The following EPB41L1 variants were observed in gnomAD, a reference collection of about 807,000 sequenced individuals.
EPB41L1 encodes the protein erythrocyte membrane protein band 4.1 like 1, also known as band 4.1-like protein 1.
A neutral mutation model predicts 97.8 loss-of-function variants in EPB41L1; 29 were observed. That is an observed-to-expected ratio of 0.30 (90% CI 0.22 to 0.40). EPB41L1 has a LOEUF of 0.40. EPB41L1 is among the 10% of genes least tolerant of loss of function. EPB41L1 has a pLI of 1.00. For missense variants in EPB41L1, 812 were observed against 1,162.3 expected, an observed-to-expected ratio of 0.70 and a Z score of 4.38; for synonymous variants, 383 against 459.2, an observed-to-expected ratio of 0.83 and a Z score of 2.12.
Position 36,206,409 on chromosome 20 carries a change from C to G in EPB41L1, c.1669-3079C>G, listed in dbSNP as rs1378434305. 1 of 1,290,016 alleles carries G rather than the reference C, an allele frequency of 7.8e-7. No individual in the cohort carries two copies. The allele number at this position is 1,290,016 out of a possible 1,614,324, so 79.9% of individuals were successfully genotyped here. A position where few individuals can be genotyped will look rare whatever the true frequency, so the allele number is the denominator to read the frequency against. On this transcript the variant is annotated intron_variant, in intron 14 of 21. Transcript: ENST00000338074. The surrounding 1 kb of genome is among the most constrained non-coding windows in gnomAD (Gnocchi z 5.5). ...TCCAGTCGTTTCTATTGGATCCAGC[C>G]CACGCAGAAGCCAGAGCTGAGTTGA...
intron 2 of EPB41L1, among the ~76,000 whole-genome samples, chr20:36,126,767 A>AT (rs2058987824): frequency 6.6e-6 from 1 of 152,070 alleles, no homozygotes; most frequent in Admixed American, 6.6e-5. Flanking sequence ...TCTCTCTGTT[A>AT]TTTTCTTGAT....
chr20:36,153,069 A>G, upstream of EPB41L1: 1 of 456,724 alleles, frequency 2.2e-6, no homozygotes, highest in Non-Finnish European at 4.4e-6. Flanking sequence ...AGGCACCGGA[A>G]GCTTTGTCTA....
At chr20:36,147,130 A>G (rs1271327680) in intron 2 of EPB41L1, among the ~76,000 whole-genome samples, 20 of 152,184 alleles carry the variant, frequency 1.3e-4, no homozygotes, top group Non-Finnish European at 1.5e-5. Flanking sequence ...CATGGGCGAC[A>G]GAGTGAGACC....
chr20:36,179,862 T>C (rs1366713148), intron 5 of EPB41L1, among the ~76,000 whole-genome samples: 1 of 152,176 alleles, frequency 6.6e-6, no homozygotes, highest in Non-Finnish European at 1.5e-5. Flanking sequence ...CAGAGTGCAC[T>C]CCTCGGGGGG....
chr20:36,179,434 A>G (rs1000698917), intron 5 of EPB41L1, among the ~76,000 whole-genome samples: 7 of 152,362 alleles, frequency 4.6e-5, no homozygotes, highest in African/African-American at 9.6e-5. Flanking sequence ...TGGCTGAGCC[A>G]GGTCTTGAGG....
intron 2 of EPB41L1, among the ~76,000 whole-genome samples, chr20:36,147,867 C>T (rs376562212): frequency 4.6e-5 from 7 of 152,090 alleles, no homozygotes; most frequent in Non-Finnish European, 1.0e-4. Flanking sequence ...AGGCACCCGA[C>T]GGGAGGCTGG....
At chr20:36,217,212 A>G (rs1455728342) in intron 17 of EPB41L1, among the ~76,000 whole-genome samples, 1 of 152,220 alleles carries the variant, frequency 6.6e-6, no homozygotes, top group Non-Finnish European at 1.5e-5. Flanking sequence ...GAACATTTCC[A>G]GGGCAAAATG....
rs1158956032 is a variant in EPB41L1, at chr20:36,231,819, CCTT to C, written c.*2484_*2486del. The stretch of plus-strand genomic sequence containing the variant: ...CAATCCTGGTGGAAAAGCCACAGAA[CCTT>C]CTTCCTGCCCTTCTTGAGAGTTCCC... On this transcript the variant is annotated 3_prime_UTR_variant, in exon 22 of 22. Coordinates refer to ENST00000338074, the MANE Select transcript of EPB41L1 (RefSeq NM_012156.2). 1 of 152,798 alleles carries C rather than the reference CCTT, an allele frequency of 6.5e-6. No homozygotes were observed. Among genetic ancestry groups the C allele is most frequent in the Non-Finnish European group, 1.5e-5 (1 of 68,154 alleles). 9.5% of individuals were successfully genotyped at this position (152,798 alleles called of 1,614,324 possible).
chr20:36,232,470 T>C lies in EPB41L1; in HGVS notation c.*3130T>C, dbSNP rs1454758142. On this transcript the variant is annotated 3_prime_UTR_variant, in exon 22 of 22. Transcript: ENST00000338074. The stretch of plus-strand genomic sequence containing the variant: ...GGTCTTTTTCTACTTTGCTATCTCA[T>C]GGGTCTTCATTTTCTCTTATTTTGT... The C allele has an allele frequency of 7.5e-6, 3 of 397,556 alleles. No homozygotes were observed. Among genetic ancestry groups the C allele is most frequent in the African/African-American group, 4.1e-5 (2 of 48,628 alleles). The allele number at this position is 397,556 out of a possible 1,614,324, so 24.6% of individuals were successfully genotyped here. A position where few individuals can be genotyped will look rare whatever the true frequency, so the allele number is the denominator to read the frequency against.
Position 36,229,439 on chromosome 20 carries a change from C to G in EPB41L1, c.*99C>G. The G allele has an allele frequency of 1.7e-6, 2 of 1,154,032 alleles. No individual in the cohort carries two copies. The highest frequency in any genetic ancestry group is 2.6e-6 in the Non-Finnish European group (2 of 761,826). 71.5% of individuals were successfully genotyped at this position (1,154,032 alleles called of 1,614,324 possible). ...GATTCTCCGACGCAACACTGACGTC[C>G]CAGCTGCGACGTACTGTCACTGATG... On this transcript the variant is annotated 3_prime_UTR_variant, in exon 22 of 22. Transcript: ENST00000338074.
Position 36,173,920 on chromosome 20 carries a change from A to G in EPB41L1, c.143A>G (p.His48Arg), listed in dbSNP as rs2061107580. 4 of 1,613,970 alleles carry G rather than the reference A, an allele frequency of 2.5e-6. No homozygotes were observed. The highest frequency in any genetic ancestry group is 3.4e-6 in the Non-Finnish European group (4 of 1,179,922). Residue 48 changes from histidine to arginine, a missense_variant, in exon 2 of 22, where the codon CAT becomes CGT. His to Arg is a conservative substitution (Grantham distance 29). Coordinates refer to ENST00000338074, the MANE Select transcript of EPB41L1 (RefSeq NM_012156.2). ...CCAGAGGCCAACTCCAATGAGAAGC[A>G]TCCATCCCAGCAGGACACGCGGCCT... ...GHPEANSNEKHPSQQDTRPAE... is the reference protein window; with the variant it reads ...GHPEANSNEKRPSQQDTRPAE...
intron 2 of EPB41L1, among the ~76,000 whole-genome samples, chr20:36,148,416 C>T (rs2145404647): frequency 6.6e-6 from 1 of 152,288 alleles, no homozygotes; most frequent in South Asian, 2.1e-4. Flanking sequence ...GGAAGAGGGT[C>T]TCCCAGGCAG....
chr20:36,107,100 T>C lies in EPB41L1; in HGVS notation c.-64-5326T>C, dbSNP rs1243431173. 3.9e-5 allele frequency among the ~76,000 whole-genome samples: 6 copies of C among 152,312 alleles called. No homozygotes were observed. In the East Asian group the frequency reaches 1.2e-3, roughly 29 times the overall value. Reference sequence around the variant, plus strand: ...CCAAGCCCAGCCAAATTTTAAATTTTATTTAATATTTAATTTTATTTGATT... The same window carrying C: ...CCAAGCCCAGCCAAATTTTAAATTTCATTTAATATTTAATTTTATTTGATT... On this transcript the variant is annotated intron_variant, in intron 1 of 19. Transcript: ENST00000202028.
At position 36,209,929 on chromosome 20, in the gene EPB41L1, C is replaced by T. The variant is rs779920068; in HGVS notation, c.2079+31C>T. On this transcript the variant is annotated intron_variant, in intron 15 of 21. Transcript: ENST00000338074. The surrounding 1 kb of genome is among the most constrained non-coding windows in gnomAD (Gnocchi z 4.2). ...GTGGAGCTTCCTCAAGAGCCAGGCC[C>T]GCTGGGCACCGCATGCTCAGAGGGC... 64 of 1,608,868 alleles carry T rather than the reference C, an allele frequency of 4.0e-5. No homozygotes were observed. Among genetic ancestry groups the T allele is most frequent in the Non-Finnish European group, 4.6e-5 (54 of 1,178,438 alleles).
In EPB41L1 at chr20:36,182,355, C is replaced by T. The variant is rs1346104001; in HGVS notation, c.566+8C>T. ...GACAGAAGACATCACAAGGTGAGGG[C>T]TGTGGAGGGAGAGACAGGTGTGCTG... On this transcript the variant is annotated splice_region_variant and intron_variant, in intron 6 of 21. Coordinates refer to ENST00000338074, the MANE Select transcript of EPB41L1 (RefSeq NM_012156.2). 1 of 1,613,920 alleles carries T rather than the reference C, an allele frequency of 6.2e-7. No individual in the cohort carries two copies. Among genetic ancestry groups the T allele is most frequent in the Non-Finnish European group, 8.5e-7 (1 of 1,179,814 alleles).
At chr20:36,194,124 G>A in intron 11 of EPB41L1, 88 bp from the exon 12 acceptor site, 2 of 1,574,120 alleles carry the variant, frequency 1.3e-6, no homozygotes, top group South Asian at 2.3e-5. Context: ...CTCCACTCCA[G>A]GCGTGGTTGG....
chr20:36,193,530 G>C (rs1021497441), intron 11 of EPB41L1, among the ~76,000 whole-genome samples: 7 of 152,200 alleles, frequency 4.6e-5, no homozygotes, highest in African/African-American at 1.7e-4. Context: ...GTCGGATTAT[G>C]CCCAATGCGT....
intron 2 of EPB41L1, among the ~76,000 whole-genome samples, chr20:36,114,986 TG>T: frequency 6.6e-6 from 1 of 152,150 alleles, no homozygotes; most frequent in Non-Finnish European, 1.5e-5. Flanking sequence ...CTCATAGGCC[TG>T]CAGGGGGCTG....
At chr20:36,227,653 C>A (rs1056236186) in intron 21 of EPB41L1, among the ~76,000 whole-genome samples, 19 of 152,160 alleles carry the variant, frequency 1.2e-4, no homozygotes, top group African/African-American at 4.1e-4. Flanking sequence ...GAGGCCCTGT[C>A]TCCATGAGGG....
Sources: allele counts gnomAD v4.1 joint callset (sites outside exome capture counted in the v4.1 genomes callset), GRCh38; gene constraint gnomAD v4.1.1; non-coding constraint Gnocchi (gnomAD v3.1); transcripts MANE v1.5; gene names NCBI Gene and HGNC (gene_info 2026-07-23, HGNC 2026-07-21).